The following MTERF4 variants were observed in gnomAD, a reference collection of about 807,000 sequenced individuals.
The protein encoded by MTERF4 is mitochondrial transcription termination factor 4, also known as transcription termination factor 4, mitochondrial.
MTERF4 carries 17 observed loss-of-function variants against 22.5 expected under a neutral mutation model. The ratio of observed to expected loss-of-function variants is 0.75; its 90% CI spans 0.52 to 1.13. MTERF4 has a LOEUF of 1.13. Among genes scored for constraint, MTERF4 ranks in the 50% most tolerant of loss-of-function variants. The probability of loss-of-function intolerance (pLI) is 0.00; values close to 1 mark genes in which losing one functional copy is unlikely to be tolerated. For missense variants in MTERF4, 420 were observed against 466.8 expected (o/e 0.90, Z 0.92); for synonymous variants, 165 against 175.3 (o/e 0.94, Z 0.47).
the MTERF4 span, among the ~76,000 whole-genome samples, chr2:241,052,749 CCGGGGGG>C: frequency 2.1e-5 from 2 of 94,250 alleles, no homozygotes; most frequent in African/African-American, 4.8e-5. Flanking sequence ...GGTGAGAGGG[CCGGGGGG>C]CCAAGCAGGG....
downstream of MTERF4, chr2:241,087,650 T>C (rs1575141478): frequency 7.1e-6 from 10 of 1,411,918 alleles, no homozygotes; most frequent in East Asian, 2.3e-4. Context: ...TGTCCATATA[T>C]GTGCATGTGA....
At chr2:241,082,299 C>A (rs1284720882), downstream of MTERF4, 1 of 1,613,360 alleles carries the variant, frequency 6.2e-7, no homozygotes, top group South Asian at 1.1e-5. Context: ...TGTCCCGCCC[C>A]TGCACAAGGC....
the MTERF4 span, among the ~76,000 whole-genome samples, chr2:241,055,225 G>A: frequency 1.0e-3 from 153 of 152,288 alleles, 1 homozygote; most frequent in African/African-American, 3.4e-3. Flanking sequence ...AGGATAAGTG[G>A]CTAGGGAGTT....
downstream of MTERF4, among the ~76,000 whole-genome samples, chr2:241,084,712 C>G (rs150015857): frequency 1.1e-3 from 170 of 152,338 alleles, 1 homozygote; most frequent in African/African-American, 3.6e-3. Flanking sequence ...CCTGCCGACT[C>G]CAGCACTCTT....
the MTERF4 span, chr2:241,065,316 G>A: frequency 6.2e-7 from 1 of 1,612,860 alleles, no homozygotes; most frequent in East Asian, 2.2e-5. Context: ...CCCACCGACG[G>A]CCCTCAAGAT....
At chr2:241,065,851 C>G in the MTERF4 span, among the ~76,000 whole-genome samples, 2 of 152,092 alleles carry the variant, frequency 1.3e-5, no homozygotes, top group Non-Finnish European at 2.9e-5. Context: ...CAGCACAACC[C>G]CCAGGCATGG....
chr2:241,063,918 CT>C, the MTERF4 span: 3 of 1,016,860 alleles, frequency 3.0e-6, no homozygotes, highest in Non-Finnish European at 4.4e-6. Flanking sequence ...GCCTCCGCCC[CT>C]AGACTCCTCC....
chr2:241,064,095 G>A, the MTERF4 span: 1 of 1,568,448 alleles, frequency 6.4e-7, no homozygotes. This position sits in a 1 kb window ranked among gnomAD's most constrained non-coding sequence, Gnocchi z 7.0. Flanking sequence ...CGTCTGCCCA[G>A]AGAGCTTCTT....
chr2:241,074,590 G>A (rs2062932626), exon 5 of MTERF4: 1 of 152,134 alleles, frequency 6.6e-6, no homozygotes, highest in African/African-American at 2.4e-5. Flanking sequence ...TGACCCCCGG[G>A]CTGGCCCTGA....
the MTERF4 span, chr2:241,048,309 T>C: frequency 1.3e-6 from 2 of 1,593,524 alleles, no homozygotes; most frequent in Admixed American, 3.6e-5. Flanking sequence ...GCCGTCTTTC[T>C]TGCAGGAGAC....
the MTERF4 span, chr2:241,052,415 C>T: frequency 1.9e-5 from 31 of 1,605,832 alleles, no homozygotes; most frequent in Middle Eastern, 3.3e-4. Context: ...GACCGGGACA[C>T]GGATTTCTTC....
the MTERF4 span, chr2:241,048,665 TCC>T: frequency 6.2e-7 from 1 of 1,608,266 alleles, no homozygotes; most frequent in South Asian, 1.1e-5. Context: ...GTGGCAGGAG[TCC>T]CCGATGACTG....
chr2:241,052,058 G>A, the MTERF4 span: 1 of 1,613,856 alleles, frequency 6.2e-7, no homozygotes, highest in East Asian at 2.2e-5. Context: ...AGACTCGTGT[G>A]CCTCTGGCCC....
chr2:241,053,067 C>T, the MTERF4 span: 1 of 1,342,598 alleles, frequency 7.4e-7, no homozygotes, highest in Non-Finnish European at 1.0e-6. Context: ...TCCCTGGGCC[C>T]TGCAGTCGGG....
rs2064372994 is a variant in MTERF4, at chr2:241,095,804, A to T, written c.*194T>A. On this transcript the variant is annotated 3_prime_UTR_variant, in exon 4 of 4. Transcript: ENST00000391980. ...CCCACAGACACGTGACAACAGATCA[A>T]ACATGCATTTCCTGTTTCCTGTTTG... 4.0e-6 allele frequency: 4 copies of T among 994,154 alleles called. No homozygotes were observed. The highest frequency in any genetic ancestry group is 5.9e-6 in the Non-Finnish European group (4 of 679,060). 61.6% of individuals were successfully genotyped at this position (994,154 alleles called of 1,614,324 possible). A position where few individuals can be genotyped will look rare whatever the true frequency, so the allele number is the denominator to read the frequency against.
At chr2:241,083,062 AACAG>A (rs58613683), downstream of MTERF4, among the ~76,000 whole-genome samples, 10,811 of 152,230 alleles carry the variant, frequency 0.071, 513 homozygotes, top group East Asian at 0.21. Flanking sequence ...GGGGACAGAC[AACAG>A]ACAGCAGTGA....
At chr2:241,086,229 G>A (rs901706644), downstream of MTERF4, among the ~76,000 whole-genome samples, 8 of 152,128 alleles carry the variant, frequency 5.3e-5, no homozygotes, top group South Asian at 2.1e-4. Context: ...TCTGGAAATC[G>A]TTCAACTCCT....
rs945309669 is a variant in MTERF4, at chr2:241,099,868, G to A, written c.48C>T (p.Pro16=). The A allele has an allele frequency of 2.5e-6, 4 of 1,613,320 alleles. No individual in the cohort carries two copies. The African/African-American group carries it at 5.3e-5, about 22-fold the overall frequency. Reference sequence around the variant, plus strand: ...GCCTAGCCATACAGGCCCAGGTGAGGGGGATCAGGCGGTGCCAATCAAGGA... The same window carrying A: ...GCCTAGCCATACAGGCCCAGGTGAGAGGGATCAGGCGGTGCCAATCAAGGA... ...RQVLDWHRLI[P]LTWACMARQT... The change falls in exon 2 of 4, where the codon CCC becomes CCT. Residue 16 remains proline, a synonymous_variant. Transcript: ENST00000391980.
chr2:241,062,796 G>A, the MTERF4 span: 2 of 1,607,930 alleles, frequency 1.2e-6, no homozygotes, highest in Non-Finnish European at 1.7e-6. Context: ...CTCAGAAATC[G>A]ATGAGTGCCG....
Sources: gnomAD v4.1 joint callset for allele counts (sites outside exome capture counted in the v4.1 genomes callset) on GRCh38, gnomAD v4.1.1 for gene constraint, Gnocchi (gnomAD v3.1) non-coding constraint, MANE v1.5 for transcripts, NCBI Gene and HGNC (gene_info 2026-07-23, HGNC 2026-07-21) for gene names.